FHDC1: variants seen among roughly 807,000 people sequenced by gnomAD.
FHDC1 encodes the protein FH2 domain-containing protein 1.
In FHDC1, 25 loss-of-function variants were observed where a neutral mutation model predicts 52.6. The observed-to-expected ratio is 0.48, with a 90% CI of 0.35 to 0.66. The LOEUF is 0.66. Ranked by LOEUF, FHDC1 falls within the 30% of genes least tolerant of loss-of-function variation. The probability of loss-of-function intolerance (pLI) is 0.01; values close to 1 mark genes in which losing one functional copy is unlikely to be tolerated. For missense variants in FHDC1, 1,459 were observed against 1,452.8 expected (o/e 1.00, Z -0.07); for synonymous variants, 616 against 581.5 (o/e 1.06, Z -0.85).
chr4:152,937,865 G>T (rs1244795042), intron 1 of FHDC1, among the ~76,000 whole-genome samples: 1 of 152,134 alleles, frequency 6.6e-6, no homozygotes, highest in Admixed American at 6.5e-5. Context: ...AGCCGGTGGC[G>T]GCTGAGCCGG....
In FHDC1 at chr4:152,975,823, C is replaced by A; in HGVS notation, c.2532C>A (p.Cys844Ter). 1 of 1,520,832 alleles carries A rather than the reference C, an allele frequency of 6.6e-7. No individual in the cohort carries two copies. Among genetic ancestry groups the A allele is most frequent in the Non-Finnish European group, 8.8e-7 (1 of 1,135,956 alleles). 94.2% of individuals were successfully genotyped at this position (1,520,832 alleles called of 1,614,324 possible). The change falls in exon 12 of 12, where the codon TGC (cysteine) becomes TGA (stop). Residue 844 changes from cysteine (C) to a stop codon, truncating the protein, a stop_gained. Transcript: ENST00000511601. LOFTEE classifies it low-confidence loss of function (END_TRUNC). ...TCTCTGTGGATAGTGAGCCCAGCTG[C>A]AAGGGCGGCCTGCCCAGGGACAAAC... ...APVSVDSEPS[C>*]KGGLPRDKPT...
At chr4:152,953,430 A>G in intron 2 of FHDC1, 69 bp from the exon 3 acceptor site, 1 of 1,304,014 alleles carries the variant, frequency 7.7e-7, no homozygotes, top group South Asian at 1.2e-5. Flanking sequence ...ATCGGTTTTA[A>G]TTATCTTCTT....
intron 2 of FHDC1, among the ~76,000 whole-genome samples, chr4:152,946,421 G>T (rs116560826): frequency 6.6e-6 from 1 of 152,296 alleles, no homozygotes; most frequent in African/African-American, 2.4e-5. Flanking sequence ...TATCTGTAGC[G>T]TGGCTAGGAG....
intron 1 of FHDC1, among the ~76,000 whole-genome samples, chr4:152,937,717 C>G (rs1457024814): frequency 6.6e-6 from 1 of 151,912 alleles, no homozygotes; most frequent in Non-Finnish European, 1.5e-5. Context: ...CAGCGCGCAC[C>G]GGCGCCCCAC....
Position 152,975,872 on chromosome 4 carries a change from G to C in FHDC1, c.2581G>C (p.Ala861Pro), listed in dbSNP as rs200695738. Residue 861 changes from alanine (A) to proline (P), a missense_variant, in exon 12 of 12, where the codon GCA (alanine) becomes CCA (proline). Coordinates refer to ENST00000511601, the MANE Select transcript of FHDC1 (RefSeq NM_001371116.1). ...ACCCACCAAAAGGAAAGATGTTGTAGCACCAAAGAGAGGCTCCCTGAAAGA... is the reference window on the plus strand; with the variant it reads ...ACCCACCAAAAGGAAAGATGTTGTACCACCAAAGAGAGGCTCCCTGAAAGA... ...DKPTKRKDVV[A>P]PKRGSLKEAS... 2.8e-4 allele frequency: 431 copies of C among 1,515,498 alleles called. No individual in the cohort carries two copies. Among genetic ancestry groups the C allele is most frequent in the Non-Finnish European group, 3.4e-4 (391 of 1,134,072 alleles). 93.9% of individuals were successfully genotyped at this position (1,515,498 alleles called of 1,614,324 possible).
the FHDC1 span, among the ~76,000 whole-genome samples, chr4:152,912,687 A>G: frequency 9.9e-5 from 15 of 152,222 alleles, no homozygotes; most frequent in African/African-American, 1.4e-4. Flanking sequence ...ACAATCACCA[A>G]CTGGAGAGTT....
Position 152,943,237 on chromosome 4 carries a change from A to AC in FHDC1, c.185dup (p.Pro63ThrfsTer31). ...AAGAGTGTCCTTCCTCCCCTCCTCC[A>AC]CCCCCACCACCTCCACTTCCTGGGG... is the stretch of plus-strand genomic sequence containing the variant. On this transcript the variant is annotated frameshift_variant, in exon 2 of 12. Coordinates refer to ENST00000511601, the MANE Select transcript of FHDC1 (RefSeq NM_001371116.1). LOFTEE classifies it high-confidence loss of function. 4.1e-6 allele frequency: 4 copies of AC among 970,908 alleles called. No homozygotes were observed. Among genetic ancestry groups the AC allele is most frequent in the Non-Finnish European group, 2.7e-6 (2 of 742,292 alleles). The allele number at this position is 970,908 out of a possible 1,614,324, so 60.1% of individuals were successfully genotyped here.
rs201427281 is a variant in FHDC1, at chr4:152,953,560, A to G, written c.560A>G (p.Lys187Arg). 4.1e-5 allele frequency: 66 copies of G among 1,611,036 alleles called. No individual in the cohort carries two copies. The highest frequency in any genetic ancestry group is 3.5e-4 in the Admixed American group (21 of 59,970). The change falls in exon 3 of 12, where the codon AAG becomes AGG. Residue 187 changes from lysine to arginine, a missense_variant and splice_region_variant. This residue lies in a region of FHDC1 where 513 missense variants were observed against 581.5 expected (regional missense o/e 0.88). Coordinates refer to ENST00000511601, the MANE Select transcript of FHDC1 (RefSeq NM_001371116.1). ...NIGIFLKQFK[K>R]SPRSIVEDIH... Reference sequence around the variant, plus strand: ...GGGATATTTCTTAAGCAATTTAAGAAGTAAGATTTTGCACACATTTGAAAC... The same window carrying G: ...GGGATATTTCTTAAGCAATTTAAGAGGTAAGATTTTGCACACATTTGAAAC...
chr4:152,945,229 A>G (rs191245796), intron 2 of FHDC1, among the ~76,000 whole-genome samples: 334 of 152,318 alleles, frequency 2.2e-3, no homozygotes, highest in African/African-American at 7.8e-3. Flanking sequence ...GGGGTGTGGC[A>G]TCTTTTCTCA....
chr4:152,915,852 G>T, the FHDC1 span, among the ~76,000 whole-genome samples: 2 of 152,300 alleles, frequency 1.3e-5, no homozygotes, highest in South Asian at 4.1e-4. Context: ...CCATTAATAA[G>T]AAGAGATTTG....
At chr4:152,966,879 G>A (rs1740477616) in intron 9 of FHDC1, among the ~76,000 whole-genome samples, 1 of 152,208 alleles carries the variant, frequency 6.6e-6, no homozygotes, top group East Asian at 1.9e-4. Context: ...CAGCACTTTG[G>A]GAGGCCAAGG....
chr4:152,976,239 A>G lies in FHDC1; in HGVS notation c.2948A>G (p.Lys983Arg). ...CTGCAGCCCAGGGGTTCTTTCAAGAAGCCCAGTGCCAAACCACTCAGGAAC... is the reference window on the plus strand; with the variant it reads ...CTGCAGCCCAGGGGTTCTTTCAAGAGGCCCAGTGCCAAACCACTCAGGAAC... ...VPLQPRGSFKKPSAKPLRNLP... is the reference protein window; with the variant it reads ...VPLQPRGSFKRPSAKPLRNLP... The change falls in exon 12 of 12, where the codon AAG (lysine) becomes AGG (arginine). Residue 983 changes from lysine to arginine, a missense_variant. Transcript: ENST00000511601. The G allele has an allele frequency of 6.2e-7, 1 of 1,613,220 alleles. No individual in the cohort carries two copies. The highest frequency in any genetic ancestry group is 8.5e-7 in the Non-Finnish European group (1 of 1,179,916).
At chr4:152,925,418 C>T in the FHDC1 span, among the ~76,000 whole-genome samples, 1 of 151,982 alleles carries the variant, frequency 6.6e-6, no homozygotes, top group Non-Finnish European at 1.5e-5. Context: ...AGCTAGATAG[C>T]CCTAAATTTG....
chr4:152,935,990 C>T (rs1172054991), upstream of FHDC1, among the ~76,000 whole-genome samples: 1 of 152,070 alleles, frequency 6.6e-6, no homozygotes, highest in Non-Finnish European at 1.5e-5. Context: ...CCCGAGGACA[C>T]CTGGCTCTTC....
At chr4:152,920,236 T>C in the FHDC1 span, among the ~76,000 whole-genome samples, 1 of 152,104 alleles carries the variant, frequency 6.6e-6, no homozygotes, top group Admixed American at 6.6e-5. Flanking sequence ...CGTGAGCCAC[T>C]GCACCTGGCC....
At chr4:152,942,120 C>T (rs1253825384) in intron 1 of FHDC1, among the ~76,000 whole-genome samples, 1 of 152,084 alleles carries the variant, frequency 6.6e-6, no homozygotes, top group African/African-American at 2.4e-5. Context: ...TGTCCTTGGG[C>T]GTATCTCTTC....
chr4:152,948,014 A>G (rs766844097), intron 2 of FHDC1, among the ~76,000 whole-genome samples: 13 of 152,252 alleles, frequency 8.5e-5, no homozygotes, highest in Non-Finnish European at 1.3e-4. Flanking sequence ...GAGCATTTCA[A>G]ATACATTTGG....
the FHDC1 span, among the ~76,000 whole-genome samples, chr4:152,915,599 T>C: frequency 9.2e-5 from 14 of 152,206 alleles, no homozygotes; most frequent in Non-Finnish European, 2.9e-5. Context: ...AGTAGGATGT[T>C]TACAGAAGAG....
At chr4:152,925,010 T>TAA in the FHDC1 span, among the ~76,000 whole-genome samples, 1,316 of 150,018 alleles carry the variant, frequency 8.8e-3, 32 homozygotes, top group East Asian at 0.053. Flanking sequence ...TAAAGTATAA[T>TAA]AAAAAAAAAG....
Sources: allele counts gnomAD v4.1 joint callset (sites outside exome capture counted in the v4.1 genomes callset), GRCh38; gene constraint gnomAD v4.1.1; regional missense constraint gnomAD v4.1.1; transcripts MANE v1.5; gene names NCBI Gene and HGNC (gene_info 2026-07-23, HGNC 2026-07-21).